The following TMEM14B variants were observed in gnomAD, a reference collection of about 807,000 sequenced individuals.
The protein encoded by TMEM14B is transmembrane protein 14B.
TMEM14B carries 9 observed loss-of-function variants against 14.8 expected under a neutral mutation model. The ratio of observed to expected loss-of-function variants is 0.61; its 90% CI spans 0.37 to 1.06. TMEM14B has a LOEUF of 1.06. Ranked by LOEUF, TMEM14B falls within the 50% of genes least tolerant of loss-of-function variation. The pLI is 0.01. For missense variants in TMEM14B, 128 were observed against 143.6 expected, an observed-to-expected ratio of 0.89 and a Z score of 0.56; for synonymous variants, 40 against 51.3, an observed-to-expected ratio of 0.78 and a Z score of 0.94.
At chr6:10,748,949 C>G (rs1468859518) in intron 1 of TMEM14B, among the ~76,000 whole-genome samples, 2 of 152,204 alleles carry the variant, frequency 1.3e-5, no homozygotes, top group Non-Finnish European at 2.9e-5. Flanking sequence ...GTCAGTGGAT[C>G]TTGCTGAGTT....
intron 4 of TMEM14B, among the ~76,000 whole-genome samples, chr6:10,753,515 A>C (rs1011325682): frequency 2.6e-5 from 4 of 151,608 alleles, no homozygotes; most frequent in Admixed American, 6.6e-5. Flanking sequence ...TAGATATTGA[A>C]GTTCTTCAGG....
chr6:10,755,457 A>G (rs1771768006), intron 5 of TMEM14B: 25 of 1,442,248 alleles, frequency 1.7e-5, no homozygotes, highest in Admixed American at 2.7e-5. Context: ...CTCTGGTCCT[A>G]GCTCCTTCCT....
At chr6:10,748,393 A>G (rs929023119) in intron 1 of TMEM14B, among the ~76,000 whole-genome samples, 2 of 147,658 alleles carry the variant, frequency 1.4e-5, no homozygotes, top group Non-Finnish European at 3.0e-5. Flanking sequence ...TTACAGGTGC[A>G]TGCCATCATG....
intron 4 of TMEM14B, among the ~76,000 whole-genome samples, chr6:10,752,194 A>G (rs1443443320): frequency 6.6e-6 from 1 of 151,864 alleles, no homozygotes; most frequent in Non-Finnish European, 1.5e-5. Flanking sequence ...TCAGCAAATG[A>G]CCTCACACCT....
At chr6:10,749,166 CT>C (rs1771451823) in intron 1 of TMEM14B, 35 bp from the exon 2 acceptor site, 3 of 1,463,494 alleles carry the variant, frequency 2.0e-6, no homozygotes, top group Admixed American at 3.4e-5. Flanking sequence ...GGGAGCTGTG[CT>C]TTTAACCACT....
At chr6:10,749,514 T>A in intron 2 of TMEM14B, 108 bp from the exon 3 acceptor site, 1 of 1,338,260 alleles carries the variant, frequency 7.5e-7, no homozygotes, top group Middle Eastern at 1.8e-4. Context: ...TGTGGGCACA[T>A]AGGACCTGTG....
Position 10,756,451 on chromosome 6 carries a change from T to C in TMEM14B, c.294-16T>C. ...ATCCTTTACCTGATGTTTTCTATCT[T>C]ACTTGTTTTAAACAGTTTGCTGATG... is the stretch of plus-strand genomic sequence containing the variant. On this transcript the variant is annotated splice_polypyrimidine_tract_variant and intron_variant, in intron 5 of 5. Coordinates refer to ENST00000379542, the MANE Select transcript of TMEM14B (RefSeq NM_030969.5). The C allele has an allele frequency of 6.2e-7, 1 of 1,613,658 alleles. No individual in the cohort carries two copies. Among genetic ancestry groups the C allele is most frequent in the Non-Finnish European group, 8.5e-7 (1 of 1,179,764 alleles).
At position 10,756,682 on chromosome 6, in the gene TMEM14B, C is replaced by T. The variant is rs1771816432; in HGVS notation, c.*164C>T. 1.4e-6 allele frequency: 2 copies of T among 1,387,222 alleles called. No individual in the cohort carries two copies. Among genetic ancestry groups the T allele is most frequent in the Non-Finnish European group, 1.9e-6 (2 of 1,071,702 alleles). 85.9% of individuals were successfully genotyped at this position (1,387,222 alleles called of 1,614,324 possible). ...GGAGGGGTGGAAAATCAGTTGTTACCATTATAACCCTACAGAGGTGGTGAG... is the reference window on the plus strand; with the variant it reads ...GGAGGGGTGGAAAATCAGTTGTTACTATTATAACCCTACAGAGGTGGTGAG... On this transcript the variant is annotated 3_prime_UTR_variant, in exon 6 of 6. Coordinates refer to ENST00000379542, the MANE Select transcript of TMEM14B (RefSeq NM_030969.5).
Position 10,751,598 on chromosome 6 carries a change from AAT to A in TMEM14B, c.202+367_202+368del, listed in dbSNP as rs201358278. On this transcript the variant is annotated intron_variant, in intron 4 of 5. Transcript: ENST00000379542. The stretch of plus-strand genomic sequence containing the variant: ...GTCAGCATTAAACTTGTATAAGACA[AAT>A]ATGTGTCAACCGTTGAGGTTTTCCG... 8.8e-3 allele frequency among the ~76,000 whole-genome samples: 1,339 copies of A among 152,206 alleles called. 22 individuals are homozygous for A. Among genetic ancestry groups the A allele is most frequent in the Admixed American group, 0.048 (740 of 15,284 alleles).
downstream of TMEM14B, among the ~76,000 whole-genome samples, chr6:10,758,775 C>T (rs1469102434): frequency 6.6e-6 from 1 of 152,056 alleles, no homozygotes; most frequent in African/African-American, 2.4e-5. Flanking sequence ...ACATGAACTC[C>T]TTTTGTGAGT....
At chr6:10,749,762 C>G in intron 3 of TMEM14B, 64 bp downstream of exon 3, 5 of 1,587,542 alleles carry the variant, frequency 3.1e-6, no homozygotes, top group Admixed American at 1.7e-5. Context: ...ATGTGAGTGC[C>G]TGTGTCCCTG....
chr6:10,753,312 T>C (rs565692754), intron 4 of TMEM14B, among the ~76,000 whole-genome samples: 18 of 152,206 alleles, frequency 1.2e-4, no homozygotes, highest in Admixed American at 9.8e-4. Flanking sequence ...TCTGTCCCTG[T>C]GTTTGTGGAA....
At chr6:10,758,253 C>T (rs1000582266), downstream of TMEM14B, among the ~76,000 whole-genome samples, 2 of 152,138 alleles carry the variant, frequency 1.3e-5, no homozygotes, top group Admixed American at 1.3e-4. Flanking sequence ...GCCATTTTTT[C>T]ATGTGTCATG....
intron 4 of TMEM14B, among the ~76,000 whole-genome samples, chr6:10,752,058 G>A (rs752953173): frequency 1.3e-5 from 2 of 152,004 alleles, no homozygotes; most frequent in Non-Finnish European, 2.9e-5. Flanking sequence ...AGGGAGGTCC[G>A]TGATGGCTAA....
chr6:10,756,429 C>T, intron 5 of TMEM14B, 38 bp from the exon 6 acceptor site: 1 of 1,611,282 alleles, frequency 6.2e-7, no homozygotes, highest in Non-Finnish European at 8.5e-7. Flanking sequence ...CTGTTCTATC[C>T]TTTACCTGAT....
intron 5 of TMEM14B, 31 bp from the exon 6 acceptor site, chr6:10,756,436 T>G: frequency 6.2e-7 from 1 of 1,612,314 alleles, no homozygotes; most frequent in Non-Finnish European, 8.5e-7. Flanking sequence ...ATCCTTTACC[T>G]GATGTTTTCT....
chr6:10,749,318 A>G, intron 2 of TMEM14B, 50 bp downstream of exon 2: 1 of 1,608,250 alleles, frequency 6.2e-7, no homozygotes, highest in Middle Eastern at 1.7e-4. Flanking sequence ...TCTGGAAACC[A>G]GAGTTCCTTT....
chr6:10,758,623 T>TAAG (rs1205491078), downstream of TMEM14B, among the ~76,000 whole-genome samples: 11 of 152,232 alleles, frequency 7.2e-5, no homozygotes, highest in African/African-American at 2.6e-4. Context: ...AGTATAGAAA[T>TAAG]AAGTGTATGA....
chr6:10,756,903 G>T lies in TMEM14B; in HGVS notation c.*385G>T, dbSNP rs1019417226. ...AGAGATTTAGAATATCTTTTCTTTTGCTCATCTTAGACCACAGACTGACTT... is the reference window on the plus strand; with the variant it reads ...AGAGATTTAGAATATCTTTTCTTTTTCTCATCTTAGACCACAGACTGACTT... On this transcript the variant is annotated 3_prime_UTR_variant, in exon 6 of 6. Transcript: ENST00000379542. The T allele has an allele frequency of 6.8e-5, 67 of 987,676 alleles. No homozygotes were observed. The African/African-American group carries it at 9.8e-4, about 14-fold the overall frequency. 61.2% of individuals were successfully genotyped at this position (987,676 alleles called of 1,614,324 possible). A position where few individuals can be genotyped will look rare whatever the true frequency, so the allele number is the denominator to read the frequency against.
Sources: allele counts gnomAD v4.1 joint callset (sites outside exome capture counted in the v4.1 genomes callset), GRCh38; gene constraint gnomAD v4.1.1; transcripts MANE v1.5; gene names NCBI Gene and HGNC (gene_info 2026-07-23, HGNC 2026-07-21).